The following TOP3A variants were observed in gnomAD, a reference collection of about 807,000 sequenced individuals.
TOP3A encodes the protein DNA topoisomerase III alpha, also known as DNA topoisomerase 3-alpha.
Under a neutral mutation model 111.3 loss-of-function variants are expected in TOP3A, and 64 were observed. That is an observed-to-expected ratio of 0.57 (90% CI 0.47 to 0.71). TOP3A has a LOEUF of 0.71. Among genes scored for constraint, TOP3A ranks in the 30% least tolerant of loss-of-function variants. The pLI, the probability that TOP3A is intolerant of heterozygous loss-of-function variation, is 0.00. For missense variants in TOP3A, 1,104 were observed against 1,285.0 expected (o/e 0.86, Z 2.15); for synonymous variants, 484 against 485.1 (o/e 1.00, Z 0.03).
chr17:18,298,888 T>C (rs922577664), intron 9 of TOP3A, among the ~76,000 whole-genome samples: 6 of 151,766 alleles, frequency 4.0e-5, no homozygotes, highest in African/African-American at 1.2e-4. Context: ...CACTCCCTAA[T>C]CTCAAGTACC....
At chr17:18,312,259 C>G (rs1981958085) in intron 1 of TOP3A, 1 of 152,466 alleles carries the variant, frequency 6.6e-6, no homozygotes, top group African/African-American at 2.4e-5. Flanking sequence ...GAGAAGAAAG[C>G]TTCCAGCAAA....
chr17:18,287,841 A>C (rs1980202994), intron 13 of TOP3A, among the ~76,000 whole-genome samples: 2 of 151,758 alleles, frequency 1.3e-5, no homozygotes, highest in Admixed American at 1.3e-4. Context: ...TACTAAAAAT[A>C]ACAAAAATTA....
At chr17:18,279,754 C>G (rs1439644787) in intron 17 of TOP3A, among the ~76,000 whole-genome samples, 1 of 152,132 alleles carries the variant, frequency 6.6e-6, no homozygotes, top group African/African-American at 2.4e-5. Flanking sequence ...GTGGTGAAAT[C>G]ATGGCTCACT....
At chr17:18,297,575 G>A (rs1031527133) in intron 9 of TOP3A, among the ~76,000 whole-genome samples, 4 of 152,228 alleles carry the variant, frequency 2.6e-5, no homozygotes, top group Non-Finnish European at 4.4e-5. Context: ...GGCGCGCGCC[G>A]CCACACCTGA....
chr17:18,290,728 G>A, intron 12 of TOP3A, 42 bp from the exon 13 acceptor site: 1 of 1,576,524 alleles, frequency 6.3e-7, no homozygotes, highest in Non-Finnish European at 8.6e-7. Flanking sequence ...GATTCCATCA[G>A]CACACTCAGG....
rs147619975 is a variant in TOP3A at position 18,273,130 on chromosome 17, C to T, written c.*1672G>A. The T allele has an allele frequency of 6.6e-6, 1 of 152,280 alleles. No homozygotes were observed. The highest frequency in any genetic ancestry group is 1.9e-4 in the East Asian group (1 of 5,186). The allele number at this position is 152,280 out of a possible 1,614,324, so 9.4% of individuals were successfully genotyped here. On this transcript the variant is annotated 3_prime_UTR_variant, in exon 19 of 19. Coordinates refer to ENST00000321105, the MANE Select transcript of TOP3A (RefSeq NM_004618.5). ...GGAACCTGCATTTGTAAAAATCCTC[C>T]CCAATACCCCATCAGAACACAGAGC... is the stretch of plus-strand genomic sequence containing the variant.
intron 13 of TOP3A, among the ~76,000 whole-genome samples, chr17:18,289,079 C>G (rs9898631): frequency 0.36 from 54,739 of 152,042 alleles, 10,867 homozygotes; most frequent in African/African-American, 0.52. Flanking sequence ...GTGCTGCGAT[C>G]CTGGCTCACT....
chr17:18,302,049 GA>G, intron 7 of TOP3A, 64 bp from the exon 8 acceptor site: 2 of 1,518,980 alleles, frequency 1.3e-6, no homozygotes, highest in Non-Finnish European at 9.0e-7. Context: ...ATGACAGATA[GA>G]AAAAGGTTTA....
chr17:18,276,526 A>T (rs554340961), intron 18 of TOP3A, among the ~76,000 whole-genome samples: 15 of 152,244 alleles, frequency 9.9e-5, no homozygotes, highest in Non-Finnish European at 1.9e-4. Flanking sequence ...ATGTGTAAGA[A>T]TCATAGTCTG....
rs201230376 is a variant in TOP3A, at chr17:18,308,223, C to CA, written c.314+127dup. 642 of 245,602 alleles carry CA rather than the reference C, an allele frequency of 2.6e-3. 42 individuals carry two copies. The highest frequency in any genetic ancestry group is 9.7e-3 in the East Asian group (85 of 8,804). 15.2% of individuals were successfully genotyped at this position (245,602 alleles called of 1,614,324 possible). The stretch of plus-strand genomic sequence containing the variant: ...TCTCACTCTGAAACTTTGTCTCCAA[C>CA]AAAAAAAAAAAAAAAAAAAAAAAAA... On this transcript the variant is annotated intron_variant, in intron 3 of 18. Transcript: ENST00000321105.
chr17:18,274,867 G>T lies in TOP3A; in HGVS notation c.2941C>A (p.Pro981Thr), dbSNP rs1567731422. 1.2e-6 allele frequency: 2 copies of T among 1,614,178 alleles called. No homozygotes were observed. Among genetic ancestry groups the T allele is most frequent in the Non-Finnish European group, 1.7e-6 (2 of 1,180,030 alleles). The change falls in exon 19 of 19, where the codon CCC becomes ACC. Residue 981 changes from proline (P) to threonine (T), a missense_variant. By Grantham distance (38) the Pro-to-Thr change is conservative. Transcript: ENST00000321105. ...SSDMGSTAKK[P>T]RKCSLCHQPG... Reference sequence around the variant, plus strand: ...TGGTGGCAAAGGCTGCATTTCCGGGGTTTCTTTGCTGTGGACCCCATGTCT... The same window carrying T: ...TGGTGGCAAAGGCTGCATTTCCGGGTTTTCTTTGCTGTGGACCCCATGTCT...
intron 3 of TOP3A, 74 bp downstream of exon 3, chr17:18,308,275 AAC>A (rs746900104): frequency 1.2e-5 from 10 of 809,030 alleles, no homozygotes; most frequent in South Asian, 2.0e-5. Flanking sequence ...CAGTAAGATC[AAC>A]ATGCCTCAAA....
chr17:18,278,458 C>G, intron 17 of TOP3A, 101 bp from the exon 18 acceptor site: 1 of 1,119,020 alleles, frequency 8.9e-7, no homozygotes, highest in Non-Finnish European at 1.2e-6. Flanking sequence ...CTCCACCATT[C>G]CTTATGCATC....
At chr17:18,313,633 A>C (rs1196815994) in intron 1 of TOP3A, 2 of 152,132 alleles carry the variant, frequency 1.3e-5, no homozygotes, top group African/African-American at 4.8e-5. Flanking sequence ...TTGAAGGATA[A>C]GAAGTTAGGC....
At chr17:18,287,398 C>T (rs1259187116) in intron 13 of TOP3A, among the ~76,000 whole-genome samples, 1 of 151,970 alleles carries the variant, frequency 6.6e-6, no homozygotes, top group East Asian at 1.9e-4. Context: ...CAGTGATGCG[C>T]ACCTGTAGTC....
chr17:18,304,611 AG>A (rs1361958728), intron 5 of TOP3A, among the ~76,000 whole-genome samples: 2 of 152,370 alleles, frequency 1.3e-5, no homozygotes, highest in East Asian at 3.9e-4. Context: ...AGATTAAAAA[AG>A]AAAACAGAAC....
Position 18,306,920 on chromosome 17 carries a change from A to G in TOP3A, c.361T>C (p.Tyr121His), listed in dbSNP as rs768700861. The G allele has an allele frequency of 6.2e-7, 1 of 1,613,936 alleles. No individual in the cohort carries two copies. The change falls in exon 4 of 19, where the codon TAC becomes CAC. Residue 121 changes from tyrosine to histidine, a missense_variant. Tyr to His is a moderately conservative substitution (Grantham distance 83, BLOSUM62 2). Coordinates refer to ENST00000321105, the MANE Select transcript of TOP3A (RefSeq NM_004618.5). ...ATGTCTACAAAATTCTCTGGGCAGTACTTTTCAATTTCTGCTTCAAAGAGG... is the reference window on the plus strand; with the variant it reads ...ATGTCTACAAAATTCTCTGGGCAGTGCTTTTCAATTTCTGCTTCAAAGAGG... ...LVLFEAEIEKYCPENFVDIKK... is the reference protein window; with the variant it reads ...LVLFEAEIEKHCPENFVDIKK...
rs1363846135 is a variant in TOP3A, at chr17:18,285,326, G to A, written c.1712-19C>T. On this transcript the variant is annotated intron_variant, in intron 14 of 18. Transcript: ENST00000321105. ...TCATAACCTGCAGGGAGAGAGTCGA[G>A]CTCAGTGAGGGCCCACCTGAGACCC... The A allele has an allele frequency of 6.2e-7, 1 of 1,613,778 alleles. No homozygotes were observed. Among genetic ancestry groups the A allele is most frequent in the Non-Finnish European group, 8.5e-7 (1 of 1,179,772 alleles).
intron 8 of TOP3A, 100 bp downstream of exon 8, chr17:18,301,785 G>A: frequency 9.9e-7 from 1 of 1,008,308 alleles, no homozygotes; most frequent in Non-Finnish European, 1.5e-6. Context: ...CAAACTTAAA[G>A]CTAAAGTCCA....
Sources: gnomAD v4.1 joint callset for allele counts (sites outside exome capture counted in the v4.1 genomes callset) on GRCh38, gnomAD v4.1.1 for gene constraint, MANE v1.5 for transcripts, NCBI Gene and HGNC (gene_info 2026-07-23, HGNC 2026-07-21) for gene names.